Variants in AK4 observed in about 807,000 individuals in gnomAD.
AK4 encodes the protein adenylate kinase 4.
A neutral mutation model predicts 24.6 loss-of-function variants in AK4; 13 were observed. That is an observed-to-expected ratio of 0.53 (90% CI 0.34 to 0.84). The LOEUF is 0.84. AK4 is among the 40% of genes least tolerant of loss of function. The pLI, the probability that AK4 is intolerant of heterozygous loss-of-function variation, is 0.01. For synonymous variants in AK4, 88 were observed against 107.0 expected (o/e 0.82, Z 1.10); for missense variants, 192 against 288.2 (o/e 0.67, Z 2.42).
At position 65,187,134 on chromosome 1, in the gene AK4, C is replaced by T. The variant is rs932224528; in HGVS notation, c.146-3576C>T. The stretch of plus-strand genomic sequence containing the variant: ...CAGCACTTTGGGAGGCTGAGGCGGG[C>T]GGATCATGAGGTCAGGAGATCGAGA... On this transcript the variant is annotated intron_variant, in intron 1 of 4. Transcript: ENST00000327299. Among the ~76,000 whole-genome samples the T allele has an allele frequency of 3.3e-5, 5 of 151,530 alleles. No homozygotes were observed. In the South Asian group the frequency reaches 8.3e-4, roughly 25 times the overall value.
chr1:65,173,735 C>T (rs983431903), intron 1 of AK4, among the ~76,000 whole-genome samples: 3 of 152,016 alleles, frequency 2.0e-5, no homozygotes, highest in Non-Finnish European at 4.4e-5. Context: ...TGGTAGCGCA[C>T]GCCTGTAGCC....
chr1:65,162,902 C>A (rs1348975405), intron 1 of AK4, among the ~76,000 whole-genome samples: 1 of 152,094 alleles, frequency 6.6e-6, no homozygotes, highest in Non-Finnish European at 1.5e-5. Flanking sequence ...ATATATGTGA[C>A]TTTTTGTGTC....
rs796157020 is a variant in AK4, at chr1:65,217,368, T to C, written c.266-1386T>C. 2.0e-5 allele frequency among the ~76,000 whole-genome samples: 3 copies of C among 152,318 alleles called. No individual in the cohort carries two copies. The South Asian group carries it at 6.2e-4, about 32-fold the overall frequency. ...ATGAATACCCATTTTTAAGTTGTCA[T>C]CTTGATACTTCCAATTTTGAAAGGG... On this transcript the variant is annotated intron_variant, in intron 2 of 4. Coordinates refer to ENST00000327299, the MANE Select transcript of AK4 (RefSeq NM_013410.4).
chr1:65,224,173 GT>G (rs1427292679), intron 3 of AK4, among the ~76,000 whole-genome samples: 18 of 151,716 alleles, frequency 1.2e-4, no homozygotes, highest in Non-Finnish European at 2.5e-4. Flanking sequence ...AGTCACTTCA[GT>G]TTTTTTTCCC....
intron 1 of AK4, among the ~76,000 whole-genome samples, chr1:65,167,948 A>G (rs1210093721): frequency 6.6e-6 from 1 of 152,192 alleles, no homozygotes; most frequent in Non-Finnish European, 1.5e-5. Context: ...AATAGTTGCT[A>G]GGCAGCACTT....
chr1:65,154,499 A>C lies in AK4; in HGVS notation c.145+5947A>C, dbSNP rs943854879. On this transcript the variant is annotated intron_variant, in intron 1 of 4. Transcript: ENST00000327299. ...AGCAAGATGGGTCACCAGCAGCTGT[A>C]CTGGAGCCACTGCTGAAAATTCAGC... The C allele has an allele frequency of 1.5e-5, 8 of 525,296 alleles. No individual in the cohort carries two copies. The African/African-American group carries it at 1.5e-4, about 10-fold the overall frequency. The allele number at this position is 525,296 out of a possible 1,614,324, so 32.5% of individuals were successfully genotyped here.
intron 2 of AK4, among the ~76,000 whole-genome samples, chr1:65,202,866 CTTTTT>C (rs34143736): frequency 4.4e-5 from 4 of 91,814 alleles, no homozygotes; most frequent in East Asian, 4.3e-4. Context: ...GCTGTGTAGT[CTTTTT>C]TTTTTTTTTT....
chr1:65,211,804 C>T (rs954305255), intron 2 of AK4, among the ~76,000 whole-genome samples: 2 of 152,074 alleles, frequency 1.3e-5, no homozygotes, highest in Admixed American at 6.5e-5. Flanking sequence ...AATAGAAACA[C>T]TTAAAAAATA....
intron 2 of AK4, among the ~76,000 whole-genome samples, chr1:65,194,509 C>T (rs944906812): frequency 6.6e-6 from 1 of 152,106 alleles, no homozygotes. Flanking sequence ...TCGCCCAGGC[C>T]AGAGTGCCAT....
intron 2 of AK4, among the ~76,000 whole-genome samples, chr1:65,199,497 C>A (rs766282974): frequency 5.3e-5 from 8 of 151,942 alleles, no homozygotes; most frequent in Non-Finnish European, 1.2e-4. Context: ...TGCAGTGAGC[C>A]GAGATCGTGC....
chr1:65,171,303 C>CTTT (rs56094715), intron 1 of AK4, among the ~76,000 whole-genome samples: 2 of 58,286 alleles, frequency 3.4e-5, no homozygotes, highest in Non-Finnish European at 5.5e-5. Context: ...GAAATAGTTG[C>CTTT]TTTTTTTTTT....
At chr1:65,190,853 C>A (rs372965063) in intron 2 of AK4, 24 bp downstream of exon 2, 19 of 1,610,828 alleles carry the variant, frequency 1.2e-5, no homozygotes, top group Non-Finnish European at 1.4e-5. Context: ...GTGGGTAAAC[C>A]GAATTTCTGG....
chr1:65,154,746 C>CTT (rs1166844416), intron 1 of AK4: 1 of 265,160 alleles, frequency 3.8e-6, no homozygotes, highest in Non-Finnish European at 7.8e-6. Flanking sequence ...AAAGAACGCT[C>CTT]TTACAAATGT....
chr1:65,181,684 G>A (rs567243282), intron 1 of AK4, among the ~76,000 whole-genome samples: 46 of 152,250 alleles, frequency 3.0e-4, no homozygotes, highest in African/African-American at 1.1e-3. Flanking sequence ...CACAGTGCCC[G>A]GCCAGAATTA....
rs1650236391 is a variant in AK4, at chr1:65,163,499, C to T, written c.145+14947C>T. Among the ~76,000 whole-genome samples, 3 of 152,340 alleles carry T rather than the reference C, an allele frequency of 2.0e-5. No homozygotes were observed. In the South Asian group the frequency reaches 6.2e-4, roughly 32 times the overall value. On this transcript the variant is annotated intron_variant, in intron 1 of 4. Transcript: ENST00000327299. ...ATTTGAACACAGTTTGAACACTCAGCAGTGTATGAGTGGTTGAAGTATGGC... is the reference window on the plus strand; with the variant it reads ...ATTTGAACACAGTTTGAACACTCAGTAGTGTATGAGTGGTTGAAGTATGGC...
At chr1:65,167,539 CA>C (rs200440668) in intron 1 of AK4, among the ~76,000 whole-genome samples, 3 of 149,810 alleles carry the variant, frequency 2.0e-5, no homozygotes, top group African/African-American at 2.5e-5. Context: ...GCTTGGAGCA[CA>C]AAAAAAATGC....
At chr1:65,155,359 G>A (rs1386594487) in intron 1 of AK4, among the ~76,000 whole-genome samples, 1 of 152,184 alleles carries the variant, frequency 6.6e-6, no homozygotes, top group African/African-American at 2.4e-5. Flanking sequence ...TATAGTCCCA[G>A]CTACTTAAGA....
At chr1:65,202,024 G>A (rs1350116412) in intron 2 of AK4, among the ~76,000 whole-genome samples, 1 of 151,906 alleles carries the variant, frequency 6.6e-6, no homozygotes, top group East Asian at 1.9e-4. Flanking sequence ...AAAATGAGGG[G>A]GAGTTAAAAG....
At chr1:65,172,386 C>T (rs1434578161) in intron 1 of AK4, among the ~76,000 whole-genome samples, 3 of 151,886 alleles carry the variant, frequency 2.0e-5, no homozygotes, top group Non-Finnish European at 4.4e-5. Context: ...GTGGCAGCTG[C>T]TGAATTATAT....
Sources: allele counts gnomAD v4.1 joint callset (sites outside exome capture counted in the v4.1 genomes callset), GRCh38; gene constraint gnomAD v4.1.1; transcripts MANE v1.5; gene names NCBI Gene and HGNC (gene_info 2026-07-23, HGNC 2026-07-21).